ATG10: variants seen among roughly 807,000 people sequenced by gnomAD.
The protein encoded by ATG10 is ubiquitin-like-conjugating enzyme ATG10.
A neutral mutation model predicts 32.1 loss-of-function variants in ATG10; 30 were observed. The observed-to-expected ratio is 0.94, with a 90% CI of 0.70 to 1.27. The LOEUF is 1.27. Among genes scored for constraint, ATG10 ranks in the 50% most tolerant of loss-of-function variants. The pLI, the probability that ATG10 is intolerant of heterozygous loss-of-function variation, is 0.00. For synonymous variants in ATG10, 87 were observed against 91.5 expected, an observed-to-expected ratio of 0.95 and a Z score of 0.28; for missense variants, 233 against 262.3, an observed-to-expected ratio of 0.89 and a Z score of 0.77.
chr5:82,086,620 C>T (rs1199331569), intron 3 of ATG10, among the ~76,000 whole-genome samples: 2 of 152,066 alleles, frequency 1.3e-5, no homozygotes, highest in Non-Finnish European at 1.5e-5. Flanking sequence ...TTCAAGAGAC[C>T]AACATGGCAG....
intron 5 of ATG10, 58 bp downstream of exon 5, chr5:82,178,645 A>G: frequency 8.7e-7 from 1 of 1,143,944 alleles, no homozygotes; most frequent in Non-Finnish European, 1.3e-6. Flanking sequence ...CCCGCTGCTC[A>G]TCTTTTCTGC....
chr5:82,085,279 T>C (rs1200355793), intron 3 of ATG10, among the ~76,000 whole-genome samples: 2 of 152,066 alleles, frequency 1.3e-5, no homozygotes, highest in African/African-American at 4.8e-5. Context: ...CAAGAAGAGC[T>C]AACACTCCTA....
At chr5:81,995,216 C>T (rs1175261761) in intron 2 of ATG10, among the ~76,000 whole-genome samples, 3 of 152,096 alleles carry the variant, frequency 2.0e-5, no homozygotes, top group South Asian at 2.1e-4. Context: ...CTGCAACCTC[C>T]GGCTCCCAGG....
intron 3 of ATG10, among the ~76,000 whole-genome samples, chr5:82,082,673 T>A (rs1411898693): frequency 6.6e-6 from 1 of 152,152 alleles, no homozygotes; most frequent in East Asian, 1.9e-4. Context: ...GTTTCTTTTT[T>A]TTTTTAACTG....
chr5:82,189,285 TA>T (rs1490384903), intron 5 of ATG10, among the ~76,000 whole-genome samples: 4 of 152,290 alleles, frequency 2.6e-5, no homozygotes, highest in African/African-American at 9.6e-5. Flanking sequence ...CTTTCTAAAA[TA>T]ACAAATAACA....
chr5:82,131,609 G>A (rs1424240408), intron 3 of ATG10, among the ~76,000 whole-genome samples: 2 of 150,650 alleles, frequency 1.3e-5, no homozygotes, highest in African/African-American at 4.9e-5. Flanking sequence ...CCAACTTATG[G>A]AGGAGAGAAA....
intron 3 of ATG10, among the ~76,000 whole-genome samples, chr5:82,084,981 A>G (rs1764619770): frequency 6.6e-6 from 1 of 152,188 alleles, no homozygotes; most frequent in South Asian, 2.1e-4. Flanking sequence ...ACACAGAACA[A>G]TATTAACCTT....
At chr5:82,231,084 G>A (rs972224577) in intron 5 of ATG10, among the ~76,000 whole-genome samples, 3 of 152,100 alleles carry the variant, frequency 2.0e-5, no homozygotes, top group Admixed American at 6.6e-5. Context: ...AGAAAATGAC[G>A]GTAAACTCAG....
chr5:82,130,617 T>C lies in ATG10; in HGVS notation c.217-33782T>C, dbSNP rs576856741. Among the ~76,000 whole-genome samples the C allele has an allele frequency of 2.0e-5, 3 of 152,232 alleles. 1 individual carries two copies. In the East Asian group the frequency reaches 5.8e-4, roughly 30 times the overall value. ...GGGGAGTGAGTTCCCCGACCCCTTG[T>C]GCTTTCCAATTGAGGAGATGCCGCA... On this transcript the variant is annotated intron_variant, in intron 3 of 7. Transcript: ENST00000282185.
At chr5:82,174,199 A>C (rs996223027) in intron 4 of ATG10, among the ~76,000 whole-genome samples, 1 of 152,152 alleles carries the variant, frequency 6.6e-6, no homozygotes. Context: ...TGTGTCTTTG[A>C]TGATGAAGGT....
chr5:82,139,600 G>T (rs564356439), intron 3 of ATG10, among the ~76,000 whole-genome samples: 3 of 146,272 alleles, frequency 2.1e-5, no homozygotes, highest in African/African-American at 7.7e-5. Context: ...GAGCCTCTCC[G>T]CCCGGCAGCC....
At chr5:82,251,971 A>G (rs936465206) in intron 5 of ATG10, among the ~76,000 whole-genome samples, 4 of 152,166 alleles carry the variant, frequency 2.6e-5, no homozygotes, top group Admixed American at 6.5e-5. Context: ...AAAAACAAAA[A>G]CTCAGAGACG....
chr5:82,052,093 G>A (rs1158161280), intron 2 of ATG10, among the ~76,000 whole-genome samples: 1 of 152,072 alleles, frequency 6.6e-6, no homozygotes, highest in Non-Finnish European at 1.5e-5. Flanking sequence ...CCTCCTTTAT[G>A]GACTTGTCAA....
chr5:82,077,685 T>A (rs1039426132), intron 3 of ATG10, among the ~76,000 whole-genome samples: 3 of 152,222 alleles, frequency 2.0e-5, no homozygotes, highest in Non-Finnish European at 4.4e-5. Context: ...AGCGCGGTAG[T>A]GCAGACGTCT....
chr5:82,009,301 C>T (rs752698821), intron 2 of ATG10, among the ~76,000 whole-genome samples: 11 of 151,742 alleles, frequency 7.2e-5, no homozygotes, highest in Non-Finnish European at 8.8e-5. Context: ...TTTTTTTTCT[C>T]GTTAAGGTAA....
chr5:82,127,841 A>G (rs1254556985), intron 3 of ATG10, among the ~76,000 whole-genome samples: 2 of 151,882 alleles, frequency 1.3e-5, no homozygotes, highest in East Asian at 1.9e-4. Context: ...ATCCTTGCTA[A>G]TTTTCTGTCT....
chr5:82,174,878 G>T (rs1019411018), intron 4 of ATG10, among the ~76,000 whole-genome samples: 4 of 152,184 alleles, frequency 2.6e-5, no homozygotes, highest in African/African-American at 9.7e-5. Context: ...TGGCCCTTGA[G>T]ATAGCCGTTA....
chr5:82,109,144 A>C (rs1344358117), intron 3 of ATG10, among the ~76,000 whole-genome samples: 1 of 152,098 alleles, frequency 6.6e-6, no homozygotes, highest in Non-Finnish European at 1.5e-5. Flanking sequence ...AGGAGCCTGC[A>C]CAAACTCTGA....
In ATG10 at chr5:82,178,580, C is replaced by A; in HGVS notation, c.446C>A (p.Thr149Lys). Residue 149 changes from threonine (T) to lysine (K), a missense_variant, in exon 5 of 8, where the codon ACG becomes AAG. Transcript: ENST00000282185. ...RLLQGPWDTI[T>K]QQEHPILGQP... The stretch of plus-strand genomic sequence containing the variant: ...CTACAGGGACCATGGGACACTATTA[C>A]GCAACAGGTTGGAGAGTATTGTCAT... 6.2e-7 allele frequency: 1 copy of A among 1,603,118 alleles called. No homozygotes were observed. Among genetic ancestry groups the A allele is most frequent in the Non-Finnish European group, 8.5e-7 (1 of 1,170,350 alleles).
Sources: gnomAD v4.1 joint callset for allele counts (sites outside exome capture counted in the v4.1 genomes callset) on GRCh38, gnomAD v4.1.1 for gene constraint, MANE v1.5 for transcripts, NCBI Gene and HGNC (gene_info 2026-07-23, HGNC 2026-07-21) for gene names.